Variants in SBF2 observed in about 807,000 individuals in gnomAD.
The protein encoded by SBF2 is SET binding factor 2.
In SBF2, 112 loss-of-function variants were observed where a neutral mutation model predicts 225.2. That is an observed-to-expected ratio of 0.50 (90% CI 0.43 to 0.58). The LOEUF is 0.58. SBF2 is among the 20% of genes least tolerant of loss of function. The pLI is 0.00. For synonymous variants in SBF2, 763 were observed against 773.3 expected, an observed-to-expected ratio of 0.99 and a Z score of 0.22; for missense variants, 1,996 against 2,206.2, an observed-to-expected ratio of 0.90 and a Z score of 1.91.
At chr11:10,180,641 T>C (rs187605927) in intron 2 of SBF2, among the ~76,000 whole-genome samples, 1 of 152,312 alleles carries the variant, frequency 6.6e-6, no homozygotes, top group Non-Finnish European at 1.5e-5. Context: ...TTTCTGTTAT[T>C]ATCACTTTGA....
chr11:10,284,918 A>T (rs1963644309), intron 1 of SBF2, among the ~76,000 whole-genome samples: 1 of 119,012 alleles, frequency 8.4e-6, no homozygotes, highest in African/African-American at 2.9e-5. Context: ...CCAGCTGACA[A>T]GAGTTTTTTT....
At chr11:9,875,057 G>C (rs919310747) in intron 17 of SBF2, among the ~76,000 whole-genome samples, 1 of 152,196 alleles carries the variant, frequency 6.6e-6, no homozygotes, top group Non-Finnish European at 1.5e-5. Flanking sequence ...TGGAAAGATT[G>C]ATTAAGACTG....
intron 2 of SBF2, among the ~76,000 whole-genome samples, chr11:10,048,192 T>G (rs1471531270): frequency 2.0e-5 from 3 of 152,160 alleles, no homozygotes; most frequent in African/African-American, 7.2e-5. Flanking sequence ...TATGAAAAAC[T>G]GGCCCTTGAT....
chr11:10,278,227 T>C (rs1963117845), intron 1 of SBF2, among the ~76,000 whole-genome samples: 1 of 152,178 alleles, frequency 6.6e-6, no homozygotes, highest in Non-Finnish European at 1.5e-5. Context: ...CAATGAAACC[T>C]ACAGCTATAA....
chr11:9,918,715 A>G (rs1863325302), intron 16 of SBF2, among the ~76,000 whole-genome samples: 1 of 149,458 alleles, frequency 6.7e-6, no homozygotes, highest in Non-Finnish European at 1.5e-5. Context: ...ATATCTCTTA[A>G]TCTATTTTCT....
chr11:9,846,803 T>A (rs1297850948), intron 23 of SBF2, among the ~76,000 whole-genome samples, 153 bp downstream of exon 23: 1 of 152,150 alleles, frequency 6.6e-6, no homozygotes, highest in Non-Finnish European at 1.5e-5. Context: ...TATTCATGAG[T>A]TTACTCAGCT....
intron 2 of SBF2, among the ~76,000 whole-genome samples, chr11:10,155,797 T>C (rs548347220): frequency 6.6e-6 from 1 of 152,380 alleles, no homozygotes; most frequent in South Asian, 2.1e-4. Context: ...ATGTACTTTA[T>C]ACTATTTGTA....
chr11:10,190,900 C>T (rs1180694217), intron 2 of SBF2, among the ~76,000 whole-genome samples: 1 of 152,140 alleles, frequency 6.6e-6, no homozygotes, highest in East Asian at 1.9e-4. Flanking sequence ...AGTGTCACTC[C>T]TAGAAATCTC....
At chr11:10,171,223 T>TA (rs1317224695) in intron 2 of SBF2, among the ~76,000 whole-genome samples, 1 of 152,152 alleles carries the variant, frequency 6.6e-6, no homozygotes, top group African/African-American at 2.4e-5. Flanking sequence ...TTCTAGATAT[T>TA]AGAGGAAAGG....
intron 2 of SBF2, among the ~76,000 whole-genome samples, chr11:10,083,267 T>C (rs753480148): frequency 3.3e-5 from 5 of 152,156 alleles, no homozygotes; most frequent in Non-Finnish European, 1.5e-5. Flanking sequence ...TCCCACACCA[T>C]GAATTTGAAG....
intron 1 of SBF2, among the ~76,000 whole-genome samples, chr11:10,236,334 C>A (rs1179726253): frequency 6.6e-6 from 1 of 152,086 alleles, no homozygotes; most frequent in Non-Finnish European, 1.5e-5. Flanking sequence ...TAGTAGTATG[C>A]ATATGCAGTC....
intron 2 of SBF2, among the ~76,000 whole-genome samples, chr11:10,190,073 T>C (rs10840373): frequency 0.99 from 150,757 of 151,982 alleles, 74,786 homozygotes; most frequent in Middle Eastern, 1. Context: ...ACTGCTTGAA[T>C]CTGGGAGGCA....
chr11:9,903,139 G>C (rs1861858079), intron 16 of SBF2, among the ~76,000 whole-genome samples: 1 of 152,070 alleles, frequency 6.6e-6, no homozygotes, highest in African/African-American at 2.4e-5. Context: ...GGCTAACACA[G>C]TGAAACCCCG....
intron 17 of SBF2, among the ~76,000 whole-genome samples, chr11:9,888,865 T>G (rs1382839127): frequency 1.3e-5 from 2 of 152,320 alleles, no homozygotes; most frequent in Admixed American, 6.5e-5. Context: ...CAAGCCACAT[T>G]TCCTTCACCT....
chr11:10,101,412 G>A (rs1952295834), intron 2 of SBF2, among the ~76,000 whole-genome samples: 2 of 152,136 alleles, frequency 1.3e-5, no homozygotes. Context: ...TCCCCACACA[G>A]TCTGTTGGGC....
intron 36 of SBF2, among the ~76,000 whole-genome samples, chr11:9,786,667 G>A (rs1053311055): frequency 2.0e-5 from 3 of 152,100 alleles, no homozygotes; most frequent in African/African-American, 7.2e-5. Flanking sequence ...AGTCTGATGT[G>A]GGTTCGATTG....
intron 32 of SBF2, among the ~76,000 whole-genome samples, chr11:9,803,730 T>A (rs1037573593): frequency 6.6e-6 from 1 of 152,254 alleles, no homozygotes; most frequent in Admixed American, 6.5e-5. Flanking sequence ...ACAAGCTCAT[T>A]CCCCTGGAAT....
At chr11:9,933,628 C>T (rs958389953) in intron 16 of SBF2, among the ~76,000 whole-genome samples, 3 of 152,084 alleles carry the variant, frequency 2.0e-5, no homozygotes, top group Non-Finnish European at 2.9e-5. Flanking sequence ...AAAGACACAA[C>T]GTATCAGAAT....
At chr11:9,791,871 C>G (rs145060193) in intron 33 of SBF2, among the ~76,000 whole-genome samples, 1 of 152,198 alleles carries the variant, frequency 6.6e-6, no homozygotes, top group Non-Finnish European at 1.5e-5. Flanking sequence ...AGAGGAGATG[C>G]AATACATGGC....
Sources: gnomAD v4.1 joint callset for allele counts (sites outside exome capture counted in the v4.1 genomes callset) on GRCh38, gnomAD v4.1.1 for gene constraint, MANE v1.5 for transcripts, NCBI Gene and HGNC (gene_info 2026-07-23, HGNC 2026-07-21) for gene names.